Variants in MAML3 observed in about 807,000 individuals in gnomAD.
MAML3 encodes mastermind like transcriptional coactivator 3.
A neutral mutation model predicts 101.9 loss-of-function variants in MAML3; 27 were observed. The observed-to-expected ratio is 0.27, with a 90% CI of 0.20 to 0.37. MAML3 has a LOEUF of 0.37. Among genes scored for constraint, MAML3 ranks in the 10% least tolerant of loss-of-function variants. The pLI is 1.00. For missense variants in MAML3, 1,316 were observed against 1,444.9 expected (o/e 0.91, Z 1.45); for synonymous variants, 501 against 555.9 (o/e 0.90, Z 1.39).
rs373818238 is a variant in MAML3, at chr4:139,890,944, C to T, written c.492G>A (p.Lys164=). Residue 164 remains lysine, a synonymous_variant, in exon 2 of 5, where the codon AAG becomes AAA. Coordinates refer to ENST00000509479, the MANE Select transcript of MAML3 (RefSeq NM_018717.5). This position sits in a 1 kb window ranked among gnomAD's most constrained non-coding sequence, Gnocchi z 4.1. ...TAAGTGGTGATCGAGCTCCTTCCAA[C>T]TTCCTTTTCACAGTCTCTTGTAGCT... ...LIMLQETVKR[K]LEGARSPLNG... is the part of the protein sequence containing the mutation. 7.1e-5 allele frequency: 115 copies of T among 1,612,538 alleles called. No homozygotes were observed. The highest frequency in any genetic ancestry group is 9.6e-5 in the Non-Finnish European group (113 of 1,179,126).
At chr4:139,773,305 T>G (rs564360640) in intron 2 of MAML3, among the ~76,000 whole-genome samples, 2 of 152,314 alleles carry the variant, frequency 1.3e-5, no homozygotes, top group African/African-American at 4.8e-5. Context: ...GGCACTGTGA[T>G]GACTGCTAAG....
intron 2 of MAML3, among the ~76,000 whole-genome samples, chr4:139,732,318 C>G (rs1191693894): frequency 6.6e-6 from 1 of 152,090 alleles, no homozygotes; most frequent in Non-Finnish European, 1.5e-5. Context: ...GGCTTGTGTT[C>G]CTCCCTTCCT....
intron 1 of MAML3, among the ~76,000 whole-genome samples, chr4:139,977,302 C>T (rs904148812): frequency 6.6e-6 from 1 of 152,098 alleles, no homozygotes; most frequent in Admixed American, 6.5e-5. Flanking sequence ...GTACGCAGGA[C>T]GGCCCCCGCC....
chr4:140,010,796 T>C lies in MAML3; in HGVS notation c.469-119829A>G, dbSNP rs376381684. Among the ~76,000 whole-genome samples, 20 of 152,222 alleles carry C rather than the reference T, an allele frequency of 1.3e-4. No homozygotes were observed. In the South Asian group the frequency reaches 3.9e-3, roughly 30 times the overall value. On this transcript the variant is annotated intron_variant, in intron 1 of 4. Transcript: ENST00000509479. ...GAATTAAGGGAAATGAATGACATAA[T>C]GATCCCATTAAACAATATACATGAG...
chr4:139,734,932 G>C (rs1728873537), intron 2 of MAML3, among the ~76,000 whole-genome samples: 1 of 152,246 alleles, frequency 6.6e-6, no homozygotes, highest in African/African-American at 2.4e-5. Flanking sequence ...GGCGTCCCTC[G>C]CCGGGGCAAC....
At chr4:140,072,702 G>A (rs933715578) in intron 1 of MAML3, among the ~76,000 whole-genome samples, 10 of 151,450 alleles carry the variant, frequency 6.6e-5, no homozygotes, top group East Asian at 1.9e-4. Context: ...ACAGGAGGAC[G>A]TCCGTAAGTT....
At chr4:139,795,063 C>G (rs374352470) in intron 2 of MAML3, among the ~76,000 whole-genome samples, 1 of 152,166 alleles carries the variant, frequency 6.6e-6, no homozygotes, top group African/African-American at 2.4e-5. Flanking sequence ...TCAGAAAGGG[C>G]AGCCACAGAG....
intron 1 of MAML3, among the ~76,000 whole-genome samples, chr4:139,959,305 T>C (rs1733966573): frequency 6.6e-6 from 1 of 152,180 alleles, no homozygotes; most frequent in Non-Finnish European, 1.5e-5. Flanking sequence ...GGAACAGGCA[T>C]GGAGTGTGGA....
At chr4:139,996,865 C>T (rs1209885929) in intron 1 of MAML3, among the ~76,000 whole-genome samples, 2 of 151,850 alleles carry the variant, frequency 1.3e-5, no homozygotes, top group East Asian at 3.9e-4. Flanking sequence ...TCGAGACCAT[C>T]CTGGCCAATA....
intron 2 of MAML3, among the ~76,000 whole-genome samples, chr4:139,821,487 G>A (rs903632468): frequency 3.9e-4 from 60 of 152,300 alleles, no homozygotes; most frequent in African/African-American, 1.4e-3. Flanking sequence ...CCCCCCGGCC[G>A]ACCCCTGGTC....
intron 2 of MAML3, among the ~76,000 whole-genome samples, chr4:139,788,741 C>T: frequency 6.6e-6 from 1 of 152,226 alleles, no homozygotes; most frequent in East Asian, 1.9e-4. Flanking sequence ...AGAGGACATG[C>T]CTCCTTCTTT....
chr4:140,115,960 G>A (rs938930984), intron 1 of MAML3, among the ~76,000 whole-genome samples: 3 of 152,022 alleles, frequency 2.0e-5, no homozygotes, highest in African/African-American at 7.2e-5. Flanking sequence ...TGGAATAATA[G>A]AAAATTGGAA....
intron 2 of MAML3, among the ~76,000 whole-genome samples, chr4:139,732,146 T>A (rs7685172): frequency 0.52 from 79,284 of 152,158 alleles, 21,927 homozygotes; most frequent in South Asian, 0.61. Flanking sequence ...TAAAAATTTT[T>A]AAATCCAAAT....
intron 2 of MAML3, among the ~76,000 whole-genome samples, chr4:139,750,970 G>C (rs1729482536): frequency 6.6e-6 from 1 of 152,108 alleles, no homozygotes; most frequent in Admixed American, 6.5e-5. Context: ...CTCCTATTTG[G>C]AACACCTGGC....
intron 1 of MAML3, among the ~76,000 whole-genome samples, chr4:140,126,669 C>A (rs902603881): frequency 1.3e-5 from 2 of 152,180 alleles, no homozygotes; most frequent in African/African-American, 4.8e-5. Flanking sequence ...ATGTCTATAC[C>A]CGCAACCCAG....
chr4:139,911,538 G>C (rs1032874710), intron 1 of MAML3, among the ~76,000 whole-genome samples: 1 of 152,096 alleles, frequency 6.6e-6, no homozygotes, highest in Non-Finnish European at 1.5e-5. Flanking sequence ...TTTTTAAGGC[G>C]GAAAAATATT....
rs541087393 is a variant in MAML3, at chr4:140,124,239, T to C, written c.468+28621A>G. ...TCAATCCACCACACTACGCACACTGTCGTGTCTATGTTAGCACCTTGAAAT... is the reference window on the plus strand; with the variant it reads ...TCAATCCACCACACTACGCACACTGCCGTGTCTATGTTAGCACCTTGAAAT... On this transcript the variant is annotated intron_variant, in intron 1 of 4. Coordinates refer to ENST00000509479, the MANE Select transcript of MAML3 (RefSeq NM_018717.5). Among the ~76,000 whole-genome samples the C allele has an allele frequency of 2.6e-5, 4 of 152,328 alleles. No individual in the cohort carries two copies. In the East Asian group the frequency reaches 7.7e-4, roughly 29 times the overall value.
chr4:140,097,191 CA>C (rs1283419410), intron 1 of MAML3, among the ~76,000 whole-genome samples: 2 of 152,172 alleles, frequency 1.3e-5, no homozygotes, highest in African/African-American at 2.4e-5. Context: ...ATGCAAAACA[CA>C]AACGGACTAA....
chr4:139,880,954 A>G (rs1732207270), intron 2 of MAML3, among the ~76,000 whole-genome samples: 1 of 152,180 alleles, frequency 6.6e-6, no homozygotes, highest in Non-Finnish European at 1.5e-5. Context: ...GAGGGGTGTC[A>G]ACAAAATTTT....
Sources: gnomAD v4.1 joint callset for allele counts (sites outside exome capture counted in the v4.1 genomes callset) on GRCh38, gnomAD v4.1.1 for gene constraint, Gnocchi (gnomAD v3.1) non-coding constraint, MANE v1.5 for transcripts, NCBI Gene and HGNC (gene_info 2026-07-23, HGNC 2026-07-21) for gene names.